The following TBC1D32 variants were observed in gnomAD, a reference collection of about 807,000 sequenced individuals.
TBC1D32 encodes the protein TBC1 domain family member 32, also known as protein broad-minded.
A neutral mutation model predicts 170.3 loss-of-function variants in TBC1D32; 151 were observed. That is an observed-to-expected ratio of 0.89 (90% CI 0.78 to 1.01). The LOEUF (loss-of-function observed/expected upper bound fraction) is 1.01. TBC1D32 is among the 50% of genes least tolerant of loss of function. The pLI, the probability that TBC1D32 is intolerant of heterozygous loss-of-function variation, is 0.00. For missense variants in TBC1D32, 1,464 were observed against 1,457.1 expected, an observed-to-expected ratio of 1.00 and a Z score of -0.08; for synonymous variants, 498 against 488.0, an observed-to-expected ratio of 1.02 and a Z score of -0.27.
At chr6:121,255,681 G>A (rs1160455563) in intron 16 of TBC1D32, among the ~76,000 whole-genome samples, 1 of 151,784 alleles carries the variant, frequency 6.6e-6, no homozygotes, top group Non-Finnish European at 1.5e-5. Flanking sequence ...TATCAAATGG[G>A]GGGAAAAGAC....
At chr6:121,190,096 AC>A (rs1430826080) in intron 22 of TBC1D32, among the ~76,000 whole-genome samples, 5 of 141,452 alleles carry the variant, frequency 3.5e-5, no homozygotes, top group Non-Finnish European at 6.2e-5. Flanking sequence ...ACACACACAC[AC>A]ACACACACAC....
chr6:121,255,988 CAGTTAAAT>C, intron 16 of TBC1D32, 88 bp downstream of exon 16: 1 of 1,064,362 alleles, frequency 9.4e-7, no homozygotes, highest in Non-Finnish European at 1.4e-6. Flanking sequence ...ATATTTGCCC[CAGTTAAAT>C]ATTTCATCCA....
chr6:121,218,134 T>G (rs1794058732), intron 21 of TBC1D32, among the ~76,000 whole-genome samples: 1 of 152,078 alleles, frequency 6.6e-6, no homozygotes, highest in African/African-American at 2.4e-5. Flanking sequence ...CTGAAGCCAC[T>G]GAATTGGATG....
intron 15 of TBC1D32, 109 bp downstream of exon 15, chr6:121,279,012 A>G (rs1457066968): frequency 2.6e-5 from 33 of 1,250,918 alleles, no homozygotes; most frequent in Non-Finnish European, 3.6e-5. Flanking sequence ...TGCATAGTCC[A>G]TAATCCTGGT....
chr6:121,230,483 T>C (rs1307775057), intron 20 of TBC1D32, among the ~76,000 whole-genome samples: 1 of 152,102 alleles, frequency 6.6e-6, no homozygotes, highest in Non-Finnish European at 1.5e-5. Context: ...CTAATTATAG[T>C]TCAGTACAGA....
intron 17 of TBC1D32, among the ~76,000 whole-genome samples, chr6:121,254,736 T>C (rs892773367): frequency 2.0e-5 from 3 of 152,100 alleles, no homozygotes; most frequent in African/African-American, 7.2e-5. Flanking sequence ...TTTTAGACTA[T>C]GCCAATATTT....
At chr6:121,168,377 C>T (rs1467520723) in intron 22 of TBC1D32, among the ~76,000 whole-genome samples, 1 of 138,488 alleles carries the variant, frequency 7.2e-6, no homozygotes, top group Non-Finnish European at 1.6e-5. Context: ...GAATACTATA[C>T]AGCCATAAAA....
intron 24 of TBC1D32, among the ~76,000 whole-genome samples, chr6:121,156,120 G>A (rs1181584146): frequency 6.7e-6 from 1 of 150,232 alleles, no homozygotes; most frequent in Non-Finnish European, 1.5e-5. Flanking sequence ...GTAGAATTCT[G>A]TATGAATCCA....
chr6:121,181,999 T>A (rs928528340), intron 22 of TBC1D32, among the ~76,000 whole-genome samples: 6 of 152,026 alleles, frequency 3.9e-5, no homozygotes, highest in Admixed American at 3.9e-4. Flanking sequence ...TATACATGGA[T>A]CAAAATATCA....
intron 10 of TBC1D32, among the ~76,000 whole-genome samples, chr6:121,299,163 C>A (rs1806088040): frequency 6.6e-6 from 1 of 152,024 alleles, no homozygotes; most frequent in Non-Finnish European, 1.5e-5. Flanking sequence ...CATGCTACTG[C>A]TTAAAAATAT....
intron 20 of TBC1D32, among the ~76,000 whole-genome samples, chr6:121,231,525 T>C (rs1795735276): frequency 6.6e-6 from 1 of 152,228 alleles, no homozygotes; most frequent in African/African-American, 2.4e-5. Flanking sequence ...TATACTAGTT[T>C]ACATTCCCAC....
intron 1 of TBC1D32, among the ~76,000 whole-genome samples, chr6:121,327,766 A>G (rs1810641826): frequency 6.6e-6 from 1 of 152,190 alleles, no homozygotes; most frequent in Admixed American, 6.5e-5. Flanking sequence ...ACTGATTTTT[A>G]TACATTATCT....
intron 21 of TBC1D32, among the ~76,000 whole-genome samples, chr6:121,206,102 C>T (rs1443474459): frequency 2.0e-5 from 3 of 151,032 alleles, no homozygotes; most frequent in African/African-American, 4.9e-5. Context: ...CCCAGCTACT[C>T]GGGAGGCTGA....
At chr6:121,123,645 T>C (rs952987940) in intron 26 of TBC1D32, among the ~76,000 whole-genome samples, 4 of 152,088 alleles carry the variant, frequency 2.6e-5, no homozygotes, top group African/African-American at 9.6e-5. Flanking sequence ...GGAGTGAGTT[T>C]CTTGTAGAAA....
intron 1 of TBC1D32, among the ~76,000 whole-genome samples, chr6:121,323,179 A>C (rs941629834): frequency 4.6e-5 from 7 of 152,258 alleles, no homozygotes; most frequent in Admixed American, 3.9e-4. Flanking sequence ...GCAGTCACCA[A>C]CATGTGTTAA....
intron 31 of TBC1D32, among the ~76,000 whole-genome samples, chr6:121,082,983 A>G (rs2128166864): frequency 6.6e-6 from 1 of 152,128 alleles, no homozygotes; most frequent in Middle Eastern, 3.4e-3. Flanking sequence ...TAAAATTCCA[A>G]AATATCTACA....
At chr6:121,103,959 ATG>A (rs1396332599) in intron 30 of TBC1D32, among the ~76,000 whole-genome samples, 1 of 151,874 alleles carries the variant, frequency 6.6e-6, no homozygotes, top group Non-Finnish European at 1.5e-5. Flanking sequence ...GTTCTAAAAA[ATG>A]TTTTAGGTAT....
chr6:121,086,406 T>C (rs996788320), intron 31 of TBC1D32, among the ~76,000 whole-genome samples: 5 of 152,076 alleles, frequency 3.3e-5, no homozygotes, highest in Admixed American at 3.3e-4. Context: ...GCTCAGATGG[T>C]GAACTGTTTT....
At chr6:121,214,800 G>A (rs1221559506) in intron 21 of TBC1D32, among the ~76,000 whole-genome samples, 1 of 152,186 alleles carries the variant, frequency 6.6e-6, no homozygotes, top group Non-Finnish European at 1.5e-5. Context: ...TGCTCTTTCA[G>A]TCCTCCCATT....
Sources: gnomAD v4.1 joint callset for allele counts (sites outside exome capture counted in the v4.1 genomes callset) on GRCh38, gnomAD v4.1.1 for gene constraint, MANE v1.5 for transcripts, NCBI Gene and HGNC (gene_info 2026-07-23, HGNC 2026-07-21) for gene names.